Variants in ZSCAN30 observed in about 807,000 individuals in gnomAD.
ZSCAN30 encodes the protein zinc finger and SCAN domain containing 30.
A neutral mutation model predicts 44.3 loss-of-function variants in ZSCAN30; 37 were observed. The ratio of observed to expected loss-of-function variants is 0.84; its 90% CI spans 0.64 to 1.10. ZSCAN30 has a LOEUF of 1.10. Among genes scored for constraint, ZSCAN30 ranks in the 50% least tolerant of loss-of-function variants. The pLI is 0.00. For synonymous variants in ZSCAN30, 181 were observed against 204.6 expected (o/e 0.88, Z 0.98); for missense variants, 549 against 582.6 (o/e 0.94, Z 0.59).
chr18:35,257,862 T>C (rs1220618517), intron 3 of ZSCAN30: 1 of 780,952 alleles, frequency 1.3e-6, no homozygotes, highest in Admixed American at 1.7e-5. Flanking sequence ...GCCTAGACTG[T>C]AACTGAGACC....
chr18:35,257,247 TTAATGC>T (rs1275345338), intron 3 of ZSCAN30: 1 of 152,404 alleles, frequency 6.6e-6, no homozygotes, highest in African/African-American at 2.4e-5. Context: ...GCTTTTAGCC[TTAATGC>T]TATGTCAGTG....
chr18:35,288,560 A>G (rs1250528612), intron 1 of ZSCAN30, among the ~76,000 whole-genome samples: 2 of 152,252 alleles, frequency 1.3e-5, no homozygotes, highest in Non-Finnish European at 2.9e-5. Flanking sequence ...CCAAATGCCC[A>G]TGAACTGGTG....
At chr18:35,271,988 G>A (rs186229215) in intron 1 of ZSCAN30, among the ~76,000 whole-genome samples, 5 of 152,216 alleles carry the variant, frequency 3.3e-5, no homozygotes, top group East Asian at 3.9e-4. Context: ...GCGCTGGCAC[G>A]GTTCCCGCCC....
intron 1 of ZSCAN30, among the ~76,000 whole-genome samples, chr18:35,273,952 G>A (rs183801136): frequency 6.6e-6 from 1 of 152,124 alleles, no homozygotes; most frequent in South Asian, 2.1e-4. Flanking sequence ...TTCTTAGCTC[G>A]GTTGCCTGGT....
intron 3 of ZSCAN30, chr18:35,257,945 C>A: frequency 1.3e-6 from 1 of 781,086 alleles, no homozygotes; most frequent in Non-Finnish European, 2.4e-6. Flanking sequence ...CTGAAGAACA[C>A]ATCGTCAATA....
intron 1 of ZSCAN30, among the ~76,000 whole-genome samples, chr18:35,275,270 T>C (rs2044349965): frequency 6.6e-6 from 1 of 152,256 alleles, no homozygotes; most frequent in South Asian, 2.1e-4. Context: ...GAGATGGCTA[T>C]AGGCTATTCC....
intron 1 of ZSCAN30, chr18:35,282,431 A>C (rs2044471576): frequency 6.6e-6 from 1 of 152,252 alleles, no homozygotes; most frequent in South Asian, 2.1e-4. Flanking sequence ...CTAAGTTGAC[A>C]AGGGGCAGAC....
rs2044076113 is a variant in ZSCAN30, at chr18:35,263,509, T to C, written c.553+4A>G. On this transcript the variant is annotated splice_donor_region_variant and intron_variant, in intron 3 of 3. Coordinates refer to ENST00000333206, the MANE Select transcript of ZSCAN30 (RefSeq NM_001112734.4). ...TCAACCCCACATGGACTGGGGCTTCTCACCTCTCTCCTGGAAAGCCTGGGA... is the reference window on the plus strand; with the variant it reads ...TCAACCCCACATGGACTGGGGCTTCCCACCTCTCTCCTGGAAAGCCTGGGA... 2 of 1,613,382 alleles carry C rather than the reference T, an allele frequency of 1.2e-6. No homozygotes were observed. The highest frequency in any genetic ancestry group is 1.1e-5 in the South Asian group (1 of 91,078).
chr18:35,253,223 C>G lies in ZSCAN30; in HGVS notation c.*227G>C. The G allele has an allele frequency of 4.8e-6, 2 of 414,126 alleles. No individual in the cohort carries two copies. Among genetic ancestry groups the G allele is most frequent in the Admixed American group, 4.0e-5 (1 of 25,244 alleles). 25.7% of individuals were successfully genotyped at this position (414,126 alleles called of 1,614,324 possible). A position where few individuals can be genotyped will look rare whatever the true frequency, so the allele number is the denominator to read the frequency against. ...TCATCCAGAAATGGGTTAGGCATTTCAAGGAAATATCTACCATTCTTTTTG... is the reference window on the plus strand; with the variant it reads ...TCATCCAGAAATGGGTTAGGCATTTGAAGGAAATATCTACCATTCTTTTTG... On this transcript the variant is annotated 3_prime_UTR_variant, in exon 4 of 4. Coordinates refer to ENST00000333206, the MANE Select transcript of ZSCAN30 (RefSeq NM_001112734.4).
At chr18:35,262,237 T>A (rs1481136798) in intron 3 of ZSCAN30, 2 of 152,194 alleles carry the variant, frequency 1.3e-5, no homozygotes, top group African/African-American at 4.8e-5. Flanking sequence ...CAGCTAAGCT[T>A]CATAGGAAGT....
chr18:35,276,845 C>T (rs1321103823), intron 1 of ZSCAN30, among the ~76,000 whole-genome samples: 1 of 152,180 alleles, frequency 6.6e-6, no homozygotes, highest in Non-Finnish European at 1.5e-5. Context: ...CCTCTGTCCT[C>T]CAGACCCCAG....
At chr18:35,263,742 T>A in intron 2 of ZSCAN30, 85 bp from the exon 3 acceptor site, 5 of 1,515,508 alleles carry the variant, frequency 3.3e-6, no homozygotes, top group Non-Finnish European at 4.5e-6. Context: ...AACAGAAGAA[T>A]CAAAAACTCA....
chr18:35,269,458 C>CAT (rs1405185043), intron 1 of ZSCAN30: 1 of 25,928 alleles, frequency 3.9e-5, no homozygotes, highest in African/African-American at 1.3e-4. Context: ...TGACAAGCTG[C>CAT]ACGTTTTACC....
chr18:35,277,361 C>G (rs1177850595), intron 1 of ZSCAN30, among the ~76,000 whole-genome samples: 1 of 152,034 alleles, frequency 6.6e-6, no homozygotes, highest in Non-Finnish European at 1.5e-5. Flanking sequence ...GGGCCAGGGG[C>G]AAAATGATAT....
At chr18:35,287,761 CCAAT>C (rs1162952500) in intron 1 of ZSCAN30, among the ~76,000 whole-genome samples, 1 of 151,852 alleles carries the variant, frequency 6.6e-6, no homozygotes, top group African/African-American at 2.4e-5. Context: ...CATAAAAGAG[CCAAT>C]TGATAAACTG....
chr18:35,270,830 G>A (rs12606225), intron 1 of ZSCAN30, among the ~76,000 whole-genome samples: 44,796 of 152,152 alleles, frequency 0.29, 7,734 homozygotes, highest in Non-Finnish European at 0.37. Flanking sequence ...TAAAGATGGT[G>A]TGTCCTGAGT....
chr18:35,279,294 C>T (rs2044415549), intron 1 of ZSCAN30, among the ~76,000 whole-genome samples: 1 of 152,178 alleles, frequency 6.6e-6, no homozygotes, highest in Non-Finnish European at 1.5e-5. Flanking sequence ...TCTGTTCCAT[C>T]CCACTGTCTT....
At chr18:35,274,148 T>C (rs1040902334) in intron 1 of ZSCAN30, among the ~76,000 whole-genome samples, 6 of 152,176 alleles carry the variant, frequency 3.9e-5, no homozygotes, top group African/African-American at 1.4e-4. Flanking sequence ...CCCAAGTAGC[T>C]GGGACTACGG....
chr18:35,253,649 A>G lies in ZSCAN30; in HGVS notation c.1286T>C (p.Ile429Thr). ...TCCAGTGTGAATTCTTTGATGTTCAATAAGGATAGAACTCCTACCAAAAGC... is the reference window on the plus strand; with the variant it reads ...TCCAGTGTGAATTCTTTGATGTTCAGTAAGGATAGAACTCCTACCAAAAGC... ...GKAFGRSSIL[I>T]EHQRIHTGEK... Residue 429 changes from isoleucine to threonine, a missense_variant, in exon 4 of 4, where the codon ATT becomes ACT. Ile to Thr is a moderately conservative substitution (Grantham distance 89). Coordinates refer to ENST00000333206, the MANE Select transcript of ZSCAN30 (RefSeq NM_001112734.4). The G allele has an allele frequency of 1.9e-6, 3 of 1,614,170 alleles. No homozygotes were observed. The highest frequency in any genetic ancestry group is 1.1e-5 in the South Asian group (1 of 91,084).
Sources: gnomAD v4.1 joint callset for allele counts (sites outside exome capture counted in the v4.1 genomes callset) on GRCh38, gnomAD v4.1.1 for gene constraint, MANE v1.5 for transcripts, NCBI Gene and HGNC (gene_info 2026-07-23, HGNC 2026-07-21) for gene names.